The following STAG1 variants were observed in gnomAD, a reference collection of about 807,000 sequenced individuals.
STAG1 encodes the protein STAG1 cohesin complex component.
In STAG1, 26 loss-of-function variants were observed where a neutral mutation model predicts 170.9. The ratio of observed to expected loss-of-function variants is 0.15; its 90% CI spans 0.11 to 0.21. STAG1 has a LOEUF of 0.21. Among genes scored for constraint, STAG1 ranks in the 10% least tolerant of loss-of-function variants. STAG1 has a pLI of 1.00. For synonymous variants in STAG1, 514 were observed against 497.7 expected (o/e 1.03, Z -0.44); for missense variants, 964 against 1,509.5 (o/e 0.64, Z 5.99).
At chr3:136,393,590 C>CTTTTT (rs774648941) in intron 22 of STAG1, among the ~76,000 whole-genome samples, 7 of 130,142 alleles carry the variant, frequency 5.4e-5, no homozygotes, top group African/African-American at 1.7e-4. Flanking sequence ...TACGCTTCAT[C>CTTTTT]TTTTTTTTTT....
chr3:136,736,801 C>A, intron 1 of STAG1: 1 of 1,588,542 alleles, frequency 6.3e-7, no homozygotes, highest in Non-Finnish European at 8.6e-7. Context: ...GATCATCCTC[C>A]TCTACAATTG....
At chr3:136,739,525 A>G (rs1007432537) in intron 1 of STAG1, among the ~76,000 whole-genome samples, 13 of 150,460 alleles carry the variant, frequency 8.6e-5, no homozygotes, top group African/African-American at 2.7e-4. Context: ...AAAAAGAAAA[A>G]AAAAAAAAGA....
At chr3:136,545,474 G>A (rs1330721049) in intron 5 of STAG1, among the ~76,000 whole-genome samples, 1 of 152,144 alleles carries the variant, frequency 6.6e-6, no homozygotes, top group African/African-American at 2.4e-5. Context: ...AGTCAGGATA[G>A]GAGAAGAAAT....
At chr3:136,464,478 G>T (rs9861150) in intron 13 of STAG1, among the ~76,000 whole-genome samples, 124,575 of 151,934 alleles carry the variant, frequency 0.82, 51,231 homozygotes, top group East Asian at 0.99. Flanking sequence ...GAAAAAAAAT[G>T]AAAATTTGGA....
rs1225848277 is a variant in STAG1, at chr3:136,473,582, C to A, written c.1082G>T (p.Arg361Ile). 39 of 1,612,390 alleles carry A rather than the reference C, an allele frequency of 2.4e-5. No individual in the cohort carries two copies. The highest frequency in any genetic ancestry group is 3.2e-5 in the Non-Finnish European group (38 of 1,179,308). The stretch of plus-strand genomic sequence containing the variant: ...TAGTTCCAATTTGGGGAATAATTCT[C>A]TATTGGTATATAGACTCTGCAGAGC... Reference protein sequence around the residue: ...LKALQSLYTNRELFPKLELFT... With the variant: ...LKALQSLYTNIELFPKLELFT... Residue 361 changes from arginine to isoleucine, a missense_variant, in exon 11 of 34, where the codon AGA becomes ATA. This residue lies in a region of STAG1 where 162 missense variants were observed against 211.2 expected (regional missense o/e 0.77). Transcript: ENST00000383202.
At chr3:136,741,734 C>T (rs1437785784) in intron 1 of STAG1, among the ~76,000 whole-genome samples, 1 of 152,164 alleles carries the variant, frequency 6.6e-6, no homozygotes, top group Non-Finnish European at 1.5e-5. Flanking sequence ...TCCCAAAGTG[C>T]TGGGATTACA....
intron 22 of STAG1, among the ~76,000 whole-genome samples, chr3:136,389,886 C>T (rs2086963254): frequency 1.3e-5 from 2 of 150,760 alleles, no homozygotes; most frequent in Non-Finnish European, 3.0e-5. Context: ...GGCCGGAGTG[C>T]AGTGGCATGA....
In STAG1 at chr3:136,610,619, G is replaced by A. The variant is rs574536669; in HGVS notation, c.133-6146C>T. Among the ~76,000 whole-genome samples the A allele has an allele frequency of 1.2e-4, 19 of 152,106 alleles. 1 individual carries two copies. The South Asian group carries it at 3.7e-3, about 30-fold the overall frequency. On this transcript the variant is annotated intron_variant, in intron 3 of 33. Transcript: ENST00000383202. ...CCAAATTTTAAGCTGGAAAGTCACT[G>A]GAATAACTTTAAAAAAGAATTACAA...
intron 28 of STAG1, among the ~76,000 whole-genome samples, chr3:136,356,784 G>A (rs894740336): frequency 4.6e-5 from 7 of 150,792 alleles, no homozygotes; most frequent in African/African-American, 1.5e-4. Flanking sequence ...ACGGAGTCTC[G>A]CTCTGTCACC....
chr3:136,431,786 A>C (rs969882828), intron 16 of STAG1, among the ~76,000 whole-genome samples: 2 of 152,132 alleles, frequency 1.3e-5, no homozygotes, highest in African/African-American at 4.8e-5. Context: ...CTAACTGTTA[A>C]TACTATTGCT....
intron 4 of STAG1, among the ~76,000 whole-genome samples, chr3:136,577,474 T>C (rs2107773810): frequency 6.6e-6 from 1 of 152,314 alleles, no homozygotes; most frequent in African/African-American, 2.4e-5. Flanking sequence ...AACTAACAAT[T>C]TTGAATAGCT....
intron 1 of STAG1, among the ~76,000 whole-genome samples, chr3:136,700,822 G>A (rs527723726): frequency 1.3e-5 from 2 of 149,844 alleles, no homozygotes; most frequent in South Asian, 2.1e-4. Context: ...TTAACACACG[G>A]TCTCTCAAGA....
Position 136,337,190 on chromosome 3 carries a change from AG to A in STAG1, c.*1063del, listed in dbSNP as rs1217439388. On this transcript the variant is annotated 3_prime_UTR_variant, in exon 34 of 34. Transcript: ENST00000383202. ...CTATGCAGCACATACTTCTATAATC[AG>A]TAAACTTAATTCACAAAATTAGCGC... is the stretch of plus-strand genomic sequence containing the variant. The A allele has an allele frequency of 2.0e-5, 3 of 152,680 alleles. No individual in the cohort carries two copies. Among genetic ancestry groups the A allele is most frequent in the African/African-American group, 7.2e-5 (3 of 41,474 alleles). The allele number at this position is 152,680 out of a possible 1,614,324, so 9.5% of individuals were successfully genotyped here. A position where few individuals can be genotyped will look rare whatever the true frequency, so the allele number is the denominator to read the frequency against.
chr3:136,670,918 T>C (rs1269940881), intron 1 of STAG1, among the ~76,000 whole-genome samples: 1 of 152,222 alleles, frequency 6.6e-6, no homozygotes, highest in Non-Finnish European at 1.5e-5. Flanking sequence ...TCTTTTTGTT[T>C]TGCATCTGTA....
At chr3:136,395,299 T>G (rs1006604644) in intron 22 of STAG1, among the ~76,000 whole-genome samples, 9 of 152,290 alleles carry the variant, frequency 5.9e-5, no homozygotes, top group African/African-American at 2.2e-4. Flanking sequence ...ATAGAGATTC[T>G]CATTCCAATT....
intron 1 of STAG1, among the ~76,000 whole-genome samples, chr3:136,749,447 G>A (rs1935116367): frequency 6.6e-6 from 1 of 152,104 alleles, no homozygotes; most frequent in Non-Finnish European, 1.5e-5. Flanking sequence ...AACAAGTAGT[G>A]ACCTTGAAAG....
chr3:136,631,739 T>A (rs1940336047), intron 1 of STAG1, among the ~76,000 whole-genome samples: 1 of 152,142 alleles, frequency 6.6e-6, no homozygotes, highest in Non-Finnish European at 1.5e-5. Context: ...AAGTCTCATA[T>A]TTTTCAAAAG....
Position 136,630,843 on chromosome 3 carries a change from T to TA in STAG1, c.29+26dup, listed in dbSNP as rs555439996. ...TGTCCAAAATTTTCCTTAAAAAATA[T>TA]AAAAAAAAGAAAATTACAATACTTA... is the stretch of plus-strand genomic sequence containing the variant. On this transcript the variant is annotated intron_variant, in intron 2 of 33. Transcript: ENST00000383202. 4.3e-3 allele frequency: 6,439 copies of TA among 1,502,760 alleles called. 18 individuals are homozygous for TA. Among genetic ancestry groups the TA allele is most frequent in the Non-Finnish European group, 4.8e-3 (5,383 of 1,112,946 alleles). 93.1% of individuals were successfully genotyped at this position (1,502,760 alleles called of 1,614,324 possible).
At chr3:136,714,938 AATATATATATATAT>A (rs71714671) in intron 1 of STAG1, among the ~76,000 whole-genome samples, 1 of 95,726 alleles carries the variant, frequency 1.0e-5, no homozygotes, top group Admixed American at 1.4e-4. Context: ...ATATATATTA[AATATATATATATAT>A]ATATATATAT....
Sources: gnomAD v4.1 joint callset for allele counts (sites outside exome capture counted in the v4.1 genomes callset) on GRCh38, gnomAD v4.1.1 for gene constraint, gnomAD v4.1.1 regional missense constraint, MANE v1.5 for transcripts, NCBI Gene and HGNC (gene_info 2026-07-23, HGNC 2026-07-21) for gene names.